Variants in PARD3B observed in about 807,000 individuals in gnomAD.
PARD3B encodes partitioning defective 3 homolog B.
In PARD3B, 103 loss-of-function variants were observed where a neutral mutation model predicts 130.2. The ratio of observed to expected loss-of-function variants is 0.79; its 90% confidence interval spans 0.67 to 0.93. The LOEUF (loss-of-function observed/expected upper bound fraction) is 0.93, where lower values mean the gene tolerates loss of function less well. PARD3B is among the 40% of genes least tolerant of loss of function. The pLI, the probability that PARD3B is intolerant of heterozygous loss-of-function variation, is 0.00. For missense variants in PARD3B, 1,609 were observed against 1,499.2 expected, an observed-to-expected ratio of 1.07 and a Z score of -1.21; for synonymous variants, 583 against 553.2, an observed-to-expected ratio of 1.05 and a Z score of -0.76.
chr2:205,239,672 G>A (rs950231321), intron 15 of PARD3B, among the ~76,000 whole-genome samples: 18 of 152,296 alleles, frequency 1.2e-4, no homozygotes, highest in African/African-American at 4.1e-4. Flanking sequence ...AGAGATCACT[G>A]AAGAGTTGTG....
At position 205,301,548 on chromosome 2, in the gene PARD3B, A is replaced by C. The variant is rs769596729; in HGVS notation, c.2477A>C (p.Asp826Ala). The C allele has an allele frequency of 1.2e-5, 20 of 1,614,060 alleles. No individual in the cohort carries two copies. Among genetic ancestry groups the C allele is most frequent in the Non-Finnish European group, 1.7e-5 (20 of 1,180,030 alleles). ...CCTCAGGGGAATTCGGAGCTAGAGG[A>C]CATGGAAAATAAAGCCAGGAAAGTC... Reference protein sequence around the residue: ...SAPQGNSELEDMENKARKVKK... With the variant: ...SAPQGNSELEAMENKARKVKK... The change falls in exon 18 of 23, where the codon GAC becomes GCC. Residue 826 changes from aspartate (D) to alanine (A), a missense_variant. Transcript: ENST00000406610. This position sits in a 1 kb window ranked among gnomAD's most constrained non-coding sequence, Gnocchi z 5.2.
At chr2:205,577,110 G>A (rs1469607162) in intron 22 of PARD3B, among the ~76,000 whole-genome samples, 3 of 152,154 alleles carry the variant, frequency 2.0e-5, no homozygotes, top group South Asian at 4.1e-4. Flanking sequence ...CAGTGTATAC[G>A]AAAATGATTG....
chr2:205,024,162 C>CTTTTTTT (rs1172893472), intron 3 of PARD3B, among the ~76,000 whole-genome samples: 92 of 98,732 alleles, frequency 9.3e-4, no homozygotes, highest in Non-Finnish European at 1.2e-3. Flanking sequence ...TTCTTTCTTT[C>CTTTTTTT]TTTTTTTTTT....
rs887227926 is a variant in PARD3B, at chr2:204,592,971, A to G, written c.120+46852A>G. Among the ~76,000 whole-genome samples the G allele has an allele frequency of 9.2e-5, 14 of 152,228 alleles. No individual in the cohort carries two copies. The East Asian group carries it at 2.3e-3, about 25-fold the overall frequency. On this transcript the variant is annotated intron_variant, in intron 1 of 22. Coordinates refer to ENST00000406610, the MANE Select transcript of PARD3B (RefSeq NM_001302769.2). ...CATGTGTCAGTATTTATTCCCTTTTATGGCTGAATAAATTCTATTGTATGG... is the reference window on the plus strand; with the variant it reads ...CATGTGTCAGTATTTATTCCCTTTTGTGGCTGAATAAATTCTATTGTATGG...
intron 18 of PARD3B, among the ~76,000 whole-genome samples, chr2:205,392,974 G>T (rs1264450211): frequency 6.6e-6 from 1 of 152,148 alleles, no homozygotes. Flanking sequence ...GGGTTGGGAT[G>T]GGAACTCTAA....
chr2:205,558,189 A>C lies in PARD3B; in HGVS notation c.3260+4786A>C, dbSNP rs556949121. 4.6e-5 allele frequency among the ~76,000 whole-genome samples: 7 copies of C among 152,288 alleles called. No individual in the cohort carries two copies. The South Asian group carries it at 1.5e-3, about 32-fold the overall frequency. On this transcript the variant is annotated intron_variant, in intron 22 of 22. Coordinates refer to ENST00000406610, the MANE Select transcript of PARD3B (RefSeq NM_001302769.2). This position sits in a 1 kb window ranked among gnomAD's most constrained non-coding sequence, Gnocchi z 4.8. ...ACAGCATGCTGACTTGGCTCTAGGC[A>C]AGAGGCCAGGGCTCCTGTCCAGCAA... is the stretch of plus-strand genomic sequence containing the variant.
At chr2:204,554,805 T>C (rs764794550) in intron 1 of PARD3B, among the ~76,000 whole-genome samples, 1 of 152,178 alleles carries the variant, frequency 6.6e-6, no homozygotes, top group Non-Finnish European at 1.5e-5. Context: ...TGACTATCTG[T>C]GCAGAAAAAG....
chr2:205,314,156 G>T (rs1441586503), intron 18 of PARD3B, among the ~76,000 whole-genome samples: 1 of 152,114 alleles, frequency 6.6e-6, no homozygotes, highest in Non-Finnish European at 1.5e-5. Context: ...TGCTTGGGGG[G>T]CAAATGGAAT....
At chr2:204,976,194 G>A (rs1189394423) in intron 3 of PARD3B, among the ~76,000 whole-genome samples, 4 of 152,170 alleles carry the variant, frequency 2.6e-5, no homozygotes, top group Non-Finnish European at 5.9e-5. Context: ...GCAATGGAAT[G>A]TTTCCAAAAG....
intron 22 of PARD3B, among the ~76,000 whole-genome samples, chr2:205,597,544 G>A (rs73062216): frequency 0.023 from 3,491 of 152,298 alleles, 126 homozygotes; most frequent in African/African-American, 0.078. Context: ...TATACACTCA[G>A]TAGTGGAATT....
At chr2:205,141,929 CT>C (rs2032990944) in intron 10 of PARD3B, among the ~76,000 whole-genome samples, 1 of 152,156 alleles carries the variant, frequency 6.6e-6, no homozygotes, top group African/African-American at 2.4e-5. Context: ...GAAGAAATAA[CT>C]GCAGGAGCAC....
At chr2:204,645,481 G>A (rs2035240389) in intron 1 of PARD3B, among the ~76,000 whole-genome samples, 1 of 151,934 alleles carries the variant, frequency 6.6e-6, no homozygotes, top group African/African-American at 2.4e-5. Flanking sequence ...GGTTTCTTAG[G>A]CAACAATCTG....
intron 15 of PARD3B, among the ~76,000 whole-genome samples, chr2:205,195,248 T>G (rs983294697): frequency 5.3e-5 from 8 of 152,226 alleles, no homozygotes; most frequent in African/African-American, 1.9e-4. Context: ...GTAAGGTTTA[T>G]TCATTTTACA....
At chr2:204,684,875 G>C (rs991179232) in intron 1 of PARD3B, among the ~76,000 whole-genome samples, 1 of 152,114 alleles carries the variant, frequency 6.6e-6, no homozygotes, top group African/African-American at 2.4e-5. Flanking sequence ...ACTGTATGGA[G>C]AACTTAATTT....
intron 18 of PARD3B, among the ~76,000 whole-genome samples, chr2:205,314,271 G>A (rs963603113): frequency 4.6e-5 from 7 of 152,122 alleles, no homozygotes; most frequent in South Asian, 2.1e-4. Flanking sequence ...TTTGCTTTGC[G>A]TATAATAAAG....
At chr2:205,343,790 C>T (rs1302797654) in intron 18 of PARD3B, among the ~76,000 whole-genome samples, 1 of 151,838 alleles carries the variant, frequency 6.6e-6, no homozygotes, top group African/African-American at 2.4e-5. Context: ...CCACCCCCCA[C>T]CCACAATATC....
chr2:205,383,634 C>T (rs77941184), intron 18 of PARD3B, among the ~76,000 whole-genome samples: 3,019 of 152,102 alleles, frequency 0.02, 113 homozygotes, highest in African/African-American at 0.068. Context: ...GAAATTCACT[C>T]TGTTGTATAC....
chr2:204,738,656 G>C (rs888458984), intron 2 of PARD3B, among the ~76,000 whole-genome samples: 6 of 152,090 alleles, frequency 3.9e-5, no homozygotes, highest in African/African-American at 1.2e-4. Flanking sequence ...GGGATGCTCT[G>C]TTGCAGAGTT....
intron 1 of PARD3B, among the ~76,000 whole-genome samples, chr2:204,581,894 C>A (rs1024321154): frequency 5.3e-5 from 8 of 152,186 alleles, no homozygotes; most frequent in Non-Finnish European, 8.8e-5. Flanking sequence ...TGCTTCCCAA[C>A]AATGTGACCT....
Sources: allele counts gnomAD v4.1 joint callset (sites outside exome capture counted in the v4.1 genomes callset), GRCh38; gene constraint gnomAD v4.1.1; non-coding constraint Gnocchi (gnomAD v3.1); transcripts MANE v1.5; gene names NCBI Gene and HGNC (gene_info 2026-07-23, HGNC 2026-07-21).